Variants in SNAPC4 observed in about 807,000 individuals in gnomAD.
The protein encoded by SNAPC4 is small nuclear RNA activating complex polypeptide 4, also known as snRNA-activating protein complex subunit 4.
A neutral mutation model predicts 151.3 loss-of-function variants in SNAPC4; 127 were observed. The observed-to-expected ratio is 0.84, with a 90% CI of 0.73 to 0.97. The LOEUF (loss-of-function observed/expected upper bound fraction) is 0.97. Ranked by LOEUF, SNAPC4 falls within the 50% of genes least tolerant of loss-of-function variation. The pLI is 0.00. For missense variants in SNAPC4, 2,186 were observed against 1,935.0 expected (o/e 1.13, Z -2.43); for synonymous variants, 1,002 against 824.4 (o/e 1.22, Z -3.69).
At chr9:136,393,001 G>A (rs1035421461) in intron 7 of SNAPC4, among the ~76,000 whole-genome samples, 6 of 152,214 alleles carry the variant, frequency 3.9e-5, no homozygotes, top group African/African-American at 7.2e-5. Flanking sequence ...AGAGGCTACC[G>A]CCTGCTGGCC....
At chr9:136,389,845 G>A (rs970775357) in intron 10 of SNAPC4, among the ~76,000 whole-genome samples, 5 of 152,202 alleles carry the variant, frequency 3.3e-5, no homozygotes, top group African/African-American at 7.2e-5. Context: ...GAAGCTGGAG[G>A]GAGGCTGCTG....
At chr9:136,396,018 C>T (rs1834258124) in intron 3 of SNAPC4, among the ~76,000 whole-genome samples, 2 of 152,264 alleles carry the variant, frequency 1.3e-5, no homozygotes, top group Admixed American at 1.3e-4. Flanking sequence ...AGCCTCCAAC[C>T]TGGAACACGC....
Position 136,381,800 on chromosome 9 carries a change from TCCCAGAGGAGC to T in SNAPC4, c.2317+13_2317+23del. 2 of 1,603,068 alleles carry T rather than the reference TCCCAGAGGAGC, an allele frequency of 1.2e-6. No homozygotes were observed. Among genetic ancestry groups the T allele is most frequent in the Non-Finnish European group, 1.7e-6 (2 of 1,175,210 alleles). Reference sequence around the variant, plus strand: ...TCCTCACCCCTCGCCCCCAGGATGCTCCCAGAGGAGCCCCAGGCCATACCTTGAGTCTGCAC... The same window carrying T: ...TCCTCACCCCTCGCCCCCAGGATGCTCCCAGGCCATACCTTGAGTCTGCAC... On this transcript the variant is annotated intron_variant, in intron 18 of 23. Transcript: ENST00000684778.
chr9:136,379,160 C>T lies in SNAPC4; in HGVS notation c.2667G>A (p.Lys889=), dbSNP rs1340539731. The T allele has an allele frequency of 1.3e-6, 2 of 1,587,112 alleles. No individual in the cohort carries two copies. The highest frequency in any genetic ancestry group is 1.3e-5 in the African/African-American group (1 of 74,684). The part of the protein sequence containing the change: ...SLLASTGPRP[K]PKTVSELLQE... ...GAAGCAGCTCCGACACAGTCTTGGG[C>T]TTGGGCCGGGGGCCGGTTGAAGCCA... Residue 889 remains lysine (K), a synonymous_variant, in exon 22 of 24, where the codon AAG becomes AAA. Transcript: ENST00000684778.
In SNAPC4 at chr9:136,383,481, T is replaced by C. The variant is rs1275933308; in HGVS notation, c.1688A>G (p.Gln563Arg). 1.3e-6 allele frequency: 2 copies of C among 1,567,518 alleles called. No homozygotes were observed. The highest frequency in any genetic ancestry group is 8.6e-7 in the Non-Finnish European group (1 of 1,156,452). Reference sequence around the variant, plus strand: ...CAGGTCCATGTCCGGGACCATGTACTGTGGGGACAGCAGCGCTCTGTCACC... The same window carrying C: ...CAGGTCCATGTCCGGGACCATGTACCGTGGGGACAGCAGCGCTCTGTCACC... The part of the protein sequence containing the change: ...GEGDRALLSP[Q>R]YMVPDMDLWV... The change falls in exon 16 of 24, where the codon CAG becomes CGG. Residue 563 changes from glutamine to arginine, a missense_variant. Transcript: ENST00000684778. The surrounding 1 kb of genome is among the most constrained non-coding windows in gnomAD (Gnocchi z 4.2).
chr9:136,393,068 C>A (rs891196661), intron 7 of SNAPC4, among the ~76,000 whole-genome samples: 3 of 152,234 alleles, frequency 2.0e-5, no homozygotes, highest in Non-Finnish European at 4.4e-5. Context: ...CAGCTCCCAG[C>A]CTGTGCCTGG....
intron 7 of SNAPC4, 141 bp from the exon 8 acceptor site, chr9:136,392,918 C>T: frequency 1.4e-6 from 1 of 690,206 alleles, no homozygotes; most frequent in Non-Finnish European, 2.5e-6. Context: ...GGCCTCCTCA[C>T]CCATGAGGGA....
intron 19 of SNAPC4, 34 bp from the exon 20 acceptor site, chr9:136,380,884 G>A (rs374468730): frequency 1.3e-4 from 171 of 1,275,342 alleles, no homozygotes; most frequent in South Asian, 3.6e-5. Context: ...AACCATAGCT[G>A]CTTTCGGGAG....
chr9:136,385,658 T>C (rs1433165526), intron 13 of SNAPC4, among the ~76,000 whole-genome samples: 2 of 151,750 alleles, frequency 1.3e-5, no homozygotes, highest in Non-Finnish European at 1.5e-5. Flanking sequence ...CAGGTTCAAG[T>C]GATTCTCCTG....
chr9:136,390,415 C>T (rs1028007504), intron 10 of SNAPC4, among the ~76,000 whole-genome samples: 2 of 151,638 alleles, frequency 1.3e-5, no homozygotes, highest in Admixed American at 6.6e-5. Flanking sequence ...ATTAGCCGGG[C>T]GTGGTGGTGG....
rs1298551457 is a variant in SNAPC4 at position 136,378,879 on chromosome 9, G to A, written c.2948C>T (p.Thr983Ile). ...GTSAKDKRLS[T>I]MQALPLAPVF... ...AGGAGCGAGGGGCAGGGCTTGCATG[G>A]TGGAGAGTCTCTTGTCCTTGGCTGA... Residue 983 changes from threonine to isoleucine, a missense_variant, in exon 22 of 24, where the codon ACC becomes ATC. Transcript: ENST00000684778. 1 of 1,611,292 alleles carries A rather than the reference G, an allele frequency of 6.2e-7. No homozygotes were observed. Among genetic ancestry groups the A allele is most frequent in the South Asian group, 1.1e-5 (1 of 90,584 alleles).
At chr9:136,384,505 C>T (rs908843817) in intron 14 of SNAPC4, among the ~76,000 whole-genome samples, 8 of 152,100 alleles carry the variant, frequency 5.3e-5, no homozygotes, top group African/African-American at 1.2e-4. Flanking sequence ...CTCAGCTCGT[C>T]GGGTGTGGTG....
chr9:136,388,655 T>C, intron 10 of SNAPC4, 64 bp from the exon 11 acceptor site: 3 of 1,600,902 alleles, frequency 1.9e-6, no homozygotes, highest in Non-Finnish European at 1.7e-6. Context: ...GATCTGGCTC[T>C]GAGTGCCCCA....
rs747279213 is a variant in SNAPC4, at chr9:136,394,335, G to A, written c.551-5C>T. ...AGGCCTTTTCCCAGTTTTTCCCTGA[G>A]GAGAAGCCACAGCATCATCACTGGG... On this transcript the variant is annotated splice_region_variant and splice_polypyrimidine_tract_variant and intron_variant, in intron 6 of 23. Coordinates refer to ENST00000684778, the MANE Select transcript of SNAPC4 (RefSeq NM_003086.4). 4 of 1,612,562 alleles carry A rather than the reference G, an allele frequency of 2.5e-6. No homozygotes were observed. The highest frequency in any genetic ancestry group is 3.4e-6 in the Non-Finnish European group (4 of 1,179,050).
Position 136,383,643 on chromosome 9 carries a change from CGCCGCCTCCGGA to C in SNAPC4, c.1514_1525del (p.Leu505_Arg508del). On this transcript the variant is annotated inframe_deletion, in exon 16 of 24. Transcript: ENST00000684778. This position sits in a 1 kb window ranked among gnomAD's most constrained non-coding sequence, Gnocchi z 4.2. Reference sequence around the variant, plus strand: ...CCGGACGCTGTGACGGGCCCTCCGCCGCCGCCTCCGGAGACCCTGCTTCTTCTGAGGGGAGGA... The same window carrying C: ...CCGGACGCTGTGACGGGCCCTCCGCCGACCCTGCTTCTTCTGAGGGGAGGA... 1.9e-6 allele frequency: 3 copies of C among 1,608,362 alleles called. No homozygotes were observed. Among genetic ancestry groups the C allele is most frequent in the Non-Finnish European group, 2.5e-6 (3 of 1,177,152 alleles).
Position 136,378,165 on chromosome 9 carries a change from G to A in SNAPC4, c.3662C>T (p.Thr1221Met), listed in dbSNP as rs747103227. 107 of 1,611,108 alleles carry A rather than the reference G, an allele frequency of 6.6e-5. No individual in the cohort carries two copies. The highest frequency in any genetic ancestry group is 5.3e-4 in the Admixed American group (32 of 59,852). ...GVIPATEPRG[T>M]PGSPSGTQEP... ...CTGTGTCCCTGAGGGGGACCCCGGC[G>A]TCCCCCTTGGCTCAGTTGCTGGGAT... The change falls in exon 22 of 24, where the codon ACG (threonine) becomes ATG (methionine). Residue 1221 changes from threonine to methionine, a missense_variant. By Grantham distance (81) the Thr-to-Met change is moderately conservative (BLOSUM62 -1). Coordinates refer to ENST00000684778, the MANE Select transcript of SNAPC4 (RefSeq NM_003086.4).
At position 136,394,799 on chromosome 9, in the gene SNAPC4, C is replaced by T; in HGVS notation, c.550+1G>A. ...GCCGCAGGGCCGGCCAGGGCTCTTA[C>T]ATTTGGTCACAAGGAGCTCCTCGAA... On this transcript the variant is annotated splice_donor_variant, in intron 6 of 23. Coordinates refer to ENST00000684778, the MANE Select transcript of SNAPC4 (RefSeq NM_003086.4). LOFTEE classifies it high-confidence loss of function. 6 of 1,613,674 alleles carry T rather than the reference C, an allele frequency of 3.7e-6. No individual in the cohort carries two copies. Among genetic ancestry groups the T allele is most frequent in the African/African-American group, 1.3e-5 (1 of 75,042 alleles).
At chr9:136,394,081 C>A (rs2131510178) in intron 7 of SNAPC4, among the ~76,000 whole-genome samples, 168 bp downstream of exon 7, 1 of 152,344 alleles carries the variant, frequency 6.6e-6, no homozygotes. Flanking sequence ...CCACACCCAG[C>A]TAATTTTTTT....
rs3812567 is a variant in SNAPC4 at position 136,378,950 on chromosome 9, C to T, written c.2877G>A (p.Ala959=). Residue 959 remains alanine, a synonymous_variant, in exon 22 of 24, where the codon GCG becomes GCA. Coordinates refer to ENST00000684778, the MANE Select transcript of SNAPC4 (RefSeq NM_003086.4). ...NVPLSGPGAP[A]AAKPGTSGSW... is the part of the protein sequence containing the mutation. ...AGCCAGAAGTGCCAGGTTTGGCTGC[C>T]GCGGGGGCCCCAGGCCCAGAGAGCG... The T allele has an allele frequency of 0.69, 1,117,617 of 1,608,538 alleles. 391,770 individuals carry two copies. Among genetic ancestry groups the T allele is most frequent in the African/African-American group, 0.94 (70,724 of 75,032 alleles).
Sources: gnomAD v4.1 joint callset for allele counts (sites outside exome capture counted in the v4.1 genomes callset) on GRCh38, gnomAD v4.1.1 for gene constraint, Gnocchi (gnomAD v3.1) non-coding constraint, MANE v1.5 for transcripts, NCBI Gene and HGNC (gene_info 2026-07-23, HGNC 2026-07-21) for gene names.